DSCAM: variants seen among roughly 807,000 people sequenced by gnomAD.
DSCAM encodes cell adhesion molecule DSCAM.
DSCAM carries 47 observed loss-of-function variants against 217.7 expected under a neutral mutation model. That is an observed-to-expected ratio of 0.22 (90% CI 0.17 to 0.28). The LOEUF (loss-of-function observed/expected upper bound fraction) is 0.28, where lower values mean the gene tolerates loss of function less well. DSCAM is among the 10% of genes least tolerant of loss of function. The probability of loss-of-function intolerance (pLI) is 1.00; values close to 1 mark genes in which losing one functional copy is unlikely to be tolerated. For missense variants in DSCAM, 2,080 were observed against 2,618.3 expected (o/e 0.79, Z 4.49); for synonymous variants, 1,056 against 1,015.3 (o/e 1.04, Z -0.76).
chr21:40,115,151 C>G (rs933748798), intron 20 of DSCAM, among the ~76,000 whole-genome samples: 11 of 152,270 alleles, frequency 7.2e-5, no homozygotes, highest in African/African-American at 2.6e-4. Flanking sequence ...ATAGCAAAGA[C>G]TTGGAACCAA....
In DSCAM at chr21:40,276,760, G is replaced by A. The variant is rs78741477; in HGVS notation, c.2183-490C>T. Among the ~76,000 whole-genome samples, 773 of 152,210 alleles carry A rather than the reference G, an allele frequency of 5.1e-3. 5 individuals carry two copies. The highest frequency in any genetic ancestry group is 0.018 in the African/African-American group (739 of 41,532). On this transcript the variant is annotated intron_variant, in intron 10 of 32. Transcript: ENST00000400454. ...GGAATATTGCAGGTTTCTCTTTAAC[G>A]GTGGTTATATTCCGGTCTAGACACA...
intron 3 of DSCAM, among the ~76,000 whole-genome samples, chr21:40,471,253 G>A (rs2145968122): frequency 6.6e-6 from 1 of 152,290 alleles, no homozygotes; most frequent in African/African-American, 2.4e-5. Flanking sequence ...GTGTGTCAGA[G>A]AAATATGCTT....
intron 11 of DSCAM, among the ~76,000 whole-genome samples, chr21:40,207,822 C>T (rs913027806): frequency 6.6e-6 from 1 of 152,156 alleles, no homozygotes; most frequent in Non-Finnish European, 1.5e-5. Context: ...CTCCTGAGGC[C>T]TCTCTCCGTG....
chr21:40,155,679 G>T lies in DSCAM; in HGVS notation c.3019-10948C>A, dbSNP rs181900351. 1.6e-3 allele frequency among the ~76,000 whole-genome samples: 250 copies of T among 152,238 alleles called. 1 individual carries two copies. Among genetic ancestry groups the T allele is most frequent in the African/African-American group, 5.3e-3 (221 of 41,554 alleles). On this transcript the variant is annotated intron_variant, in intron 16 of 32. Coordinates refer to ENST00000400454, the MANE Select transcript of DSCAM (RefSeq NM_001389.5). The stretch of plus-strand genomic sequence containing the variant: ...GACAGTGTCTGATTCTGGAAGCTCT[G>T]TAAGACAGCGCCAGGGGAGGGCCAA...
chr21:40,118,103 T>G (rs1014546822), intron 20 of DSCAM, among the ~76,000 whole-genome samples: 5 of 152,168 alleles, frequency 3.3e-5, no homozygotes, highest in African/African-American at 4.8e-5. Flanking sequence ...TAGGTCATAT[T>G]GAGAATTTTG....
intron 3 of DSCAM, among the ~76,000 whole-genome samples, chr21:40,542,021 A>G (rs1011504103): frequency 6.6e-6 from 1 of 152,200 alleles, no homozygotes; most frequent in Non-Finnish European, 1.5e-5. Flanking sequence ...AATACACAAA[A>G]GAGCATGGAG....
chr21:40,715,836 A>G (rs1386030047), intron 1 of DSCAM, among the ~76,000 whole-genome samples: 1 of 152,122 alleles, frequency 6.6e-6, no homozygotes, highest in Non-Finnish European at 1.5e-5. Flanking sequence ...TATCAACCCG[A>G]CTGTGGGTAA....
chr21:40,821,854 C>A (rs1338330082), intron 1 of DSCAM, among the ~76,000 whole-genome samples: 1 of 151,644 alleles, frequency 6.6e-6, no homozygotes, highest in Non-Finnish European at 1.5e-5. Flanking sequence ...CACACTGGGG[C>A]CTATTGAAGG....
intron 11 of DSCAM, among the ~76,000 whole-genome samples, chr21:40,194,138 AT>A (rs1386771657): frequency 6.6e-6 from 1 of 152,182 alleles, no homozygotes; most frequent in African/African-American, 2.4e-5. Flanking sequence ...TCTGCACACA[AT>A]ACTCCTCAGT....
intron 3 of DSCAM, among the ~76,000 whole-genome samples, chr21:40,555,507 G>T (rs149741872): frequency 6.6e-6 from 1 of 152,226 alleles, no homozygotes; most frequent in African/African-American, 2.4e-5. Context: ...GAATCAGAAT[G>T]AAATTTTAAA....
intron 15 of DSCAM, among the ~76,000 whole-genome samples, chr21:40,171,868 C>T (rs548134593): frequency 1.6e-4 from 25 of 152,152 alleles, no homozygotes; most frequent in Non-Finnish European, 1.3e-4. Context: ...AGTCCAAAGC[C>T]GATTGAGTTT....
chr21:40,182,989 GTTA>G lies in DSCAM; in HGVS notation c.2780-3898_2780-3896del, dbSNP rs1334416185. Among the ~76,000 whole-genome samples the G allele has an allele frequency of 4.6e-4, 7 of 15,250 alleles. 2 individuals carry two copies. The highest frequency in any genetic ancestry group is 2.1e-3 in the African/African-American group (5 of 2,358). The allele number at this position is 15,250 out of a possible 152,430, so 10.0% of individuals were successfully genotyped here. A position where few individuals can be genotyped will look rare whatever the true frequency, so the allele number is the denominator to read the frequency against. The stretch of plus-strand genomic sequence containing the variant: ...ACCAGAGAAACCGTGGACGGGGGGG[GTTA>G]CCAGAGAAACCGTGGACAGAACGGG... On this transcript the variant is annotated intron_variant, in intron 14 of 32. Coordinates refer to ENST00000400454, the MANE Select transcript of DSCAM (RefSeq NM_001389.5).
chr21:40,294,962 A>G (rs7283487), intron 10 of DSCAM, among the ~76,000 whole-genome samples: 1 of 152,038 alleles, frequency 6.6e-6, no homozygotes, highest in Non-Finnish European at 1.5e-5. Context: ...GTGTCTAGCA[A>G]CCTTCCCCAC....
chr21:40,506,357 C>T (rs574714834), intron 3 of DSCAM, among the ~76,000 whole-genome samples: 1 of 152,292 alleles, frequency 6.6e-6, no homozygotes, highest in Non-Finnish European at 1.5e-5. Flanking sequence ...CCTGGGACGT[C>T]CATGATGAAC....
chr21:40,599,217 T>C (rs2077044306), intron 3 of DSCAM, among the ~76,000 whole-genome samples: 1 of 152,170 alleles, frequency 6.6e-6, no homozygotes, highest in Admixed American at 6.5e-5. Context: ...TTATTATTAT[T>C]ATTTTACTTT....
At chr21:40,239,434 T>C (rs1269560989) in intron 11 of DSCAM, among the ~76,000 whole-genome samples, 1 of 152,164 alleles carries the variant, frequency 6.6e-6, no homozygotes, top group Non-Finnish European at 1.5e-5. Flanking sequence ...TTAATCACTT[T>C]ACTGTGCAAG....
chr21:40,806,385 C>T (rs150031401), intron 1 of DSCAM, among the ~76,000 whole-genome samples: 1 of 152,276 alleles, frequency 6.6e-6, no homozygotes, highest in East Asian at 1.9e-4. Flanking sequence ...GACCAATAAG[C>T]TCATTTCTGT....
chr21:40,093,449 C>CCTAATTTT (rs2089636255), intron 21 of DSCAM, among the ~76,000 whole-genome samples: 1 of 152,156 alleles, frequency 6.6e-6, no homozygotes, highest in African/African-American at 2.4e-5. Context: ...TTCAGCTACT[C>CCTAATTTT]CAAGGAATGA....
At chr21:40,719,912 A>G (rs2090883555) in intron 1 of DSCAM, among the ~76,000 whole-genome samples, 2 of 152,322 alleles carry the variant, frequency 1.3e-5, no homozygotes, top group South Asian at 4.1e-4. Flanking sequence ...GCATGTATGT[A>G]ACATTTCAAT....
Sources: gnomAD v4.1 joint callset for allele counts (sites outside exome capture counted in the v4.1 genomes callset) on GRCh38, gnomAD v4.1.1 for gene constraint, MANE v1.5 for transcripts, NCBI Gene and HGNC (gene_info 2026-07-23, HGNC 2026-07-21) for gene names.